CSGALNACT1: variants seen among roughly 807,000 people sequenced by gnomAD.
CSGALNACT1 encodes the protein beta4GalNAcT-1.
A neutral mutation model predicts 51.0 loss-of-function variants in CSGALNACT1; 52 were observed. The observed-to-expected ratio is 1.02, with a 90% CI of 0.82 to 1.29. The LOEUF (loss-of-function observed/expected upper bound fraction) is 1.29, where lower values mean the gene tolerates loss of function less well. CSGALNACT1 is among the 50% of genes most tolerant of loss of function. CSGALNACT1 has a pLI of 0.00. For synonymous variants in CSGALNACT1, 341 were observed against 254.4 expected (o/e 1.34, Z -3.24); for missense variants, 935 against 679.2 (o/e 1.38, Z -4.19).
intron 5 of CSGALNACT1, among the ~76,000 whole-genome samples, chr8:19,456,588 C>A (rs139781650): frequency 3.3e-4 from 50 of 152,222 alleles, no homozygotes; most frequent in African/African-American, 1.2e-3. Context: ...AAAGGGAAAA[C>A]CTACAGAGAA....
chr8:19,423,028 T>A (rs1291327212), intron 6 of CSGALNACT1, among the ~76,000 whole-genome samples: 1 of 152,164 alleles, frequency 6.6e-6, no homozygotes, highest in South Asian at 2.1e-4. Flanking sequence ...ACAAACACAA[T>A]GTATGAGCAA....
chr8:19,556,639 T>C (rs1774213930), intron 3 of CSGALNACT1, among the ~76,000 whole-genome samples: 1 of 152,132 alleles, frequency 6.6e-6, no homozygotes, highest in African/African-American at 2.4e-5. Context: ...GACTGTTCTG[T>C]ATGCAAGCTT....
intron 4 of CSGALNACT1, among the ~76,000 whole-genome samples, chr8:19,500,419 C>G (rs180854627): frequency 6.6e-6 from 1 of 151,182 alleles, no homozygotes; most frequent in Non-Finnish European, 1.5e-5. Flanking sequence ...CCAGAATGCA[C>G]CTGAAAGGCT....
At chr8:19,648,241 T>C (rs1435479743) in intron 1 of CSGALNACT1, among the ~76,000 whole-genome samples, 2 of 152,304 alleles carry the variant, frequency 1.3e-5, no homozygotes, top group East Asian at 1.9e-4. Flanking sequence ...TCTAGCAACA[T>C]TAATCAAATT....
At chr8:19,460,898 A>G (rs2065218568) in intron 4 of CSGALNACT1, among the ~76,000 whole-genome samples, 1 of 152,032 alleles carries the variant, frequency 6.6e-6, no homozygotes, top group Admixed American at 6.5e-5. Context: ...GATTTCTTTG[A>G]GGTGCCACAG....
At chr8:19,675,579 G>A (rs527413679) in intron 1 of CSGALNACT1, among the ~76,000 whole-genome samples, 12 of 151,972 alleles carry the variant, frequency 7.9e-5, no homozygotes, top group South Asian at 2.1e-4. Context: ...TATCACCTCC[G>A]CCTCCTGAGT....
At chr8:19,604,828 T>G (rs1588973489), upstream of CSGALNACT1, among the ~76,000 whole-genome samples, 1 of 142,020 alleles carries the variant, frequency 7.0e-6, no homozygotes, top group Admixed American at 7.4e-5. Flanking sequence ...GGCGGGAGAA[T>G]GGCATGAACC....
chr8:19,406,000 C>T, exon 10 of CSGALNACT1: 1 of 1,614,174 alleles, frequency 6.2e-7, no homozygotes. Flanking sequence ...TATGAGGTTG[C>T]TGTGGAGATA....
intron 3 of CSGALNACT1, among the ~76,000 whole-genome samples, chr8:19,549,697 T>A (rs2087462390): frequency 7.4e-6 from 1 of 134,890 alleles, no homozygotes; most frequent in Admixed American, 8.2e-5. Flanking sequence ...TTCACTCACC[T>A]TCTCCAGAAA....
intron 3 of CSGALNACT1, among the ~76,000 whole-genome samples, chr8:19,521,958 C>T (rs2080816364): frequency 6.6e-6 from 1 of 152,232 alleles, no homozygotes; most frequent in Non-Finnish European, 1.5e-5. Flanking sequence ...TTGTAAGTTG[C>T]TTCCACATCT....
chr8:19,752,205 T>TTATATAATATATACTATA (rs1192851804), intron 1 of CSGALNACT1, among the ~76,000 whole-genome samples: 1 of 148,602 alleles, frequency 6.7e-6, no homozygotes, highest in African/African-American at 2.4e-5. Flanking sequence ...ACTATATATC[T>TTATATAATATATACTATA]TATATGATAT....
rs2051833110 is a variant in CSGALNACT1 at position 19,609,194 on chromosome 8, G to T, written c.-543-7329C>A. Among the ~76,000 whole-genome samples the T allele has an allele frequency of 2.7e-5, 4 of 149,114 alleles. No individual in the cohort carries two copies. The South Asian group carries it at 6.4e-4, about 24-fold the overall frequency. On this transcript the variant is annotated intron_variant, in intron 1 of 9. Coordinates refer to the CSGALNACT1 transcript ENST00000332246. ...GGAAGGATGCTTTTTTTTTTATATT[G>T]AGATTGAGGGAGGCAAGAAAACAAT...
At chr8:19,634,576 C>A (rs2055755582) in intron 1 of CSGALNACT1, among the ~76,000 whole-genome samples, 1 of 152,284 alleles carries the variant, frequency 6.6e-6, no homozygotes, top group African/African-American at 2.4e-5. Flanking sequence ...ATGGGTGGAT[C>A]ACTTGAGCCC....
intron 4 of CSGALNACT1, among the ~76,000 whole-genome samples, chr8:19,464,710 C>A (rs2066287853): frequency 6.6e-6 from 1 of 152,130 alleles, no homozygotes; most frequent in Non-Finnish European, 1.5e-5. Context: ...AGGGCGTATG[C>A]TCCTTATGAG....
chr8:19,654,751 C>G (rs190191817), intron 1 of CSGALNACT1, among the ~76,000 whole-genome samples: 7 of 151,978 alleles, frequency 4.6e-5, no homozygotes, highest in Non-Finnish European at 8.8e-5. Context: ...TGCTATGTTG[C>G]CCCGGCTAGT....
chr8:19,455,943 T>C (rs982947009), intron 5 of CSGALNACT1, among the ~76,000 whole-genome samples: 1 of 152,182 alleles, frequency 6.6e-6, no homozygotes, highest in Middle Eastern at 3.2e-3. Context: ...AGGTCACAAG[T>C]CTTCCGCCAC....
exon 4 of CSGALNACT1, chr8:19,505,904 C>T: frequency 6.3e-7 from 1 of 1,582,150 alleles, no homozygotes; most frequent in Non-Finnish European, 8.6e-7. Context: ...AAGGGCTTCC[C>T]TGGGCTAGAC....
intron 1 of CSGALNACT1, among the ~76,000 whole-genome samples, chr8:19,663,483 CT>C (rs1340604113): frequency 6.6e-6 from 1 of 152,064 alleles, no homozygotes; most frequent in Non-Finnish European, 1.5e-5. Context: ...TCCTTTCCCC[CT>C]AGCACGAGAG....
intron 3 of CSGALNACT1, among the ~76,000 whole-genome samples, chr8:19,573,056 G>C (rs1564103884): frequency 6.6e-6 from 1 of 152,206 alleles, no homozygotes; most frequent in East Asian, 1.9e-4. Flanking sequence ...AAATGAACTG[G>C]AAGTGGGTTT....
Sources: allele counts gnomAD v4.1 joint callset (sites outside exome capture counted in the v4.1 genomes callset), GRCh38; gene constraint gnomAD v4.1.1; transcripts MANE v1.5; gene names NCBI Gene and HGNC (gene_info 2026-07-23, HGNC 2026-07-21).